Variants in CDH2 observed in about 807,000 individuals in gnomAD.
The protein encoded by CDH2 is cadherin 2, also known as cadherin-2.
A neutral mutation model predicts 92.0 loss-of-function variants in CDH2; 17 were observed. That is an observed-to-expected ratio of 0.18 (90% CI 0.13 to 0.28). The LOEUF is 0.28. Among genes scored for constraint, CDH2 ranks in the 10% least tolerant of loss-of-function variants. The pLI is 1.00. For missense variants in CDH2, 862 were observed against 1,133.1 expected (o/e 0.76, Z 3.44); for synonymous variants, 419 against 415.9 (o/e 1.01, Z -0.09).
At chr18:28,109,299 T>A (rs72884226) in intron 2 of CDH2, among the ~76,000 whole-genome samples, 1 of 152,328 alleles carries the variant, frequency 6.6e-6, no homozygotes, top group Non-Finnish European at 1.5e-5. Context: ...TTAACACTGT[T>A]ATGTCAGAAA....
chr18:28,055,817 G>T (rs1270253503), intron 2 of CDH2, among the ~76,000 whole-genome samples: 2 of 152,066 alleles, frequency 1.3e-5, no homozygotes, highest in Non-Finnish European at 2.9e-5. Context: ...TCTATTAGTT[G>T]AAAAAATATT....
intron 1 of CDH2, among the ~76,000 whole-genome samples, chr18:28,156,069 G>A (rs1467497691): frequency 1.3e-5 from 2 of 152,152 alleles, no homozygotes; most frequent in Non-Finnish European, 2.9e-5. Context: ...CCTTCATGAT[G>A]TGCTCTAGAC....
At chr18:27,946,869 T>C (rs141901337), downstream of CDH2, among the ~76,000 whole-genome samples, 1 of 152,090 alleles carries the variant, frequency 6.6e-6, no homozygotes, top group East Asian at 1.9e-4. Context: ...TTCACTCTTA[T>C]TAATGGGCTA....
chr18:28,176,437 T>C (rs1240815418), intron 1 of CDH2, among the ~76,000 whole-genome samples: 6 of 151,842 alleles, frequency 4.0e-5, no homozygotes, highest in Admixed American at 1.3e-4. Context: ...ATAAAGACAA[T>C]AGGACAGTAG....
rs573993383 is a variant in CDH2 at position 27,970,401 on chromosome 18, C to A, written c.2350-6880G>T. Among the ~76,000 whole-genome samples, 7 of 152,266 alleles carry A rather than the reference C, an allele frequency of 4.6e-5. No individual in the cohort carries two copies. The East Asian group carries it at 1.4e-3, about 29-fold the overall frequency. ...TCTATCTCAGCATGACCTATTAATT[C>A]ATCTCAGAGAAAACATAAAAATAGG... On this transcript the variant is annotated intron_variant, in intron 14 of 15. Transcript: ENST00000269141.
intron 1 of CDH2, among the ~76,000 whole-genome samples, chr18:28,170,171 G>C (rs190120280): frequency 6.6e-4 from 101 of 152,274 alleles, no homozygotes; most frequent in African/African-American, 2.3e-3. Context: ...GGCTGCTATA[G>C]GTTGTTCTAA....
At chr18:27,933,046 G>T (rs545482081) in exon 7 of CDH2, among the ~76,000 whole-genome samples, 1 of 152,106 alleles carries the variant, frequency 6.6e-6, no homozygotes, top group Non-Finnish European at 1.5e-5. Flanking sequence ...CCAAAGGCAG[G>T]CATGATAGAT....
chr18:27,978,995 G>GA (rs967182952), intron 14 of CDH2, among the ~76,000 whole-genome samples: 6 of 149,688 alleles, frequency 4.0e-5, no homozygotes, highest in African/African-American at 9.8e-5. Flanking sequence ...AACCATAATG[G>GA]AAAAAAAATG....
At chr18:27,965,596 A>C (rs1239201174) in intron 14 of CDH2, among the ~76,000 whole-genome samples, 2 of 152,264 alleles carry the variant, frequency 1.3e-5, no homozygotes, top group African/African-American at 4.8e-5. Flanking sequence ...GATCTTGCAC[A>C]AATGTGCTCC....
At chr18:28,024,454 A>G (rs552891211) in intron 2 of CDH2, among the ~76,000 whole-genome samples, 12 of 149,828 alleles carry the variant, frequency 8.0e-5, no homozygotes, top group Middle Eastern at 3.3e-3. Flanking sequence ...TATAAATAAT[A>G]TAAAGTAAGT....
At chr18:28,019,420 G>C (rs1259430533) in intron 2 of CDH2, among the ~76,000 whole-genome samples, 1 of 151,936 alleles carries the variant, frequency 6.6e-6, no homozygotes, top group Admixed American at 6.6e-5. Context: ...GTAGGATAAG[G>C]GTTTGACAGA....
In CDH2 at chr18:28,107,630, T is replaced by G. The variant is rs149791697; in HGVS notation, c.172+40043A>C. On this transcript the variant is annotated intron_variant, in intron 2 of 15. Coordinates refer to ENST00000269141, the MANE Select transcript of CDH2 (RefSeq NM_001792.5). ...AATATTTAAAAGTTACAAATAAGCA[T>G]ATTAGAGCTCTTCTCAACTGTATAA... Among the ~76,000 whole-genome samples, 51 of 152,236 alleles carry G rather than the reference T, an allele frequency of 3.4e-4. 1 individual carries two copies. The East Asian group carries it at 8.9e-3, about 27-fold the overall frequency.
At chr18:28,091,165 A>G (rs1022132970) in intron 2 of CDH2, among the ~76,000 whole-genome samples, 4 of 152,216 alleles carry the variant, frequency 2.6e-5, no homozygotes, top group African/African-American at 9.6e-5. Flanking sequence ...TAATAACTAT[A>G]TGATTGCAAA....
At chr18:27,974,401 T>C (rs551914297) in intron 14 of CDH2, among the ~76,000 whole-genome samples, 21 of 152,374 alleles carry the variant, frequency 1.4e-4, no homozygotes, top group Non-Finnish European at 2.4e-4. Flanking sequence ...CAGATCTTTC[T>C]GCTTTTTGAA....
intron 2 of CDH2, among the ~76,000 whole-genome samples, chr18:28,043,248 T>C (rs909109774): frequency 7.9e-5 from 12 of 151,642 alleles, no homozygotes; most frequent in African/African-American, 2.7e-4. Context: ...AGCTAAGCTA[T>C]GAGGATACAA....
chr18:28,172,360 A>G (rs902037182), intron 1 of CDH2, among the ~76,000 whole-genome samples: 2 of 152,200 alleles, frequency 1.3e-5, no homozygotes, highest in Non-Finnish European at 1.5e-5. Context: ...CAGAAGATAT[A>G]GCTCTTACTA....
intron 15 of CDH2, among the ~76,000 whole-genome samples, chr18:27,957,430 T>TC (rs1461606601): frequency 2.1e-5 from 3 of 141,244 alleles, no homozygotes; most frequent in African/African-American, 7.8e-5. Flanking sequence ...TTGTTTTTTT[T>TC]TGTATAGAGG....
chr18:27,985,349 C>A, intron 12 of CDH2, 116 bp from the exon 13 acceptor site: 1 of 776,088 alleles, frequency 1.3e-6, no homozygotes, highest in South Asian at 1.8e-5. Context: ...CGGATTACAA[C>A]TATGCTGCAT....
At chr18:28,143,182 G>A (rs2015981805) in intron 2 of CDH2, among the ~76,000 whole-genome samples, 3 of 151,922 alleles carry the variant, frequency 2.0e-5, no homozygotes, top group Non-Finnish European at 4.4e-5. Context: ...AGATTCAGAG[G>A]AGTTTACTTA....
Sources: gnomAD v4.1 joint callset for allele counts (sites outside exome capture counted in the v4.1 genomes callset) on GRCh38, gnomAD v4.1.1 for gene constraint, MANE v1.5 for transcripts, NCBI Gene and HGNC (gene_info 2026-07-23, HGNC 2026-07-21) for gene names.